CCNH: variants seen among roughly 807,000 people sequenced by gnomAD.
CCNH encodes cyclin-H.
Under a neutral mutation model 41.9 loss-of-function variants are expected in CCNH, and 31 were observed. That is an observed-to-expected ratio of 0.74 (90% CI 0.56 to 1.00). The LOEUF is 1.00. CCNH is among the 50% of genes least tolerant of loss of function. CCNH has a pLI of 0.00. For synonymous variants in CCNH, 138 were observed against 136.1 expected, an observed-to-expected ratio of 1.01 and a Z score of -0.10; for missense variants, 362 against 388.4, an observed-to-expected ratio of 0.93 and a Z score of 0.57.
chr5:87,368,630 C>T (rs1206850095), intron 9 of CCNH, among the ~76,000 whole-genome samples: 1 of 152,144 alleles, frequency 6.6e-6, no homozygotes, highest in African/African-American at 2.4e-5. Context: ...AAGGCACAGC[C>T]CTTCAGGGGT....
At chr5:87,380,491 A>AT, upstream of CCNH, 1 of 1,593,198 alleles carries the variant, frequency 6.3e-7, no homozygotes, top group East Asian at 2.2e-5. Context: ...TGTTGAGATG[A>AT]TTGTGTTATT....
the CCNH span, among the ~76,000 whole-genome samples, chr5:87,313,356 G>A: frequency 6.6e-6 from 1 of 152,172 alleles, no homozygotes; most frequent in Non-Finnish European, 1.5e-5. Flanking sequence ...GGAGGACAAT[G>A]CAAATAGTTT....
intron 9 of CCNH, chr5:87,346,601 T>G (rs1561298527): frequency 3.3e-6 from 3 of 905,534 alleles, no homozygotes; most frequent in East Asian, 2.6e-5. Context: ...CTATATTGGT[T>G]GTTTAATTTT....
downstream of CCNH, among the ~76,000 whole-genome samples, chr5:87,373,922 A>T (rs1488885681): frequency 2.0e-5 from 3 of 152,040 alleles, 1 homozygote; most frequent in Admixed American, 2.0e-4. Flanking sequence ...ATACTGGGAG[A>T]AATAACTTGT....
chr5:87,382,548 A>G (rs16902635), intron 9 of CCNH, among the ~76,000 whole-genome samples: 5,145 of 152,228 alleles, frequency 0.034, 181 homozygotes, highest in African/African-American at 0.081. Flanking sequence ...GAGGTTAATT[A>G]TTAGTGTGGA....
At chr5:87,349,086 A>T in intron 9 of CCNH, 2 of 1,198,090 alleles carry the variant, frequency 1.7e-6, no homozygotes. Context: ...TATCTTAAAA[A>T]AAAAACAAGT....
At chr5:87,412,390 C>A (rs1433187832) in intron 1 of CCNH, 10 of 1,176,260 alleles carry the variant, frequency 8.5e-6, no homozygotes, top group Non-Finnish European at 9.6e-6. Context: ...CATCTCTTGA[C>A]AAGTGAACGG....
At chr5:87,385,464 TAAGTA>T in intron 9 of CCNH, 1 of 1,169,372 alleles carries the variant, frequency 8.6e-7, no homozygotes, top group East Asian at 2.5e-5. Context: ...AATTGTGGCT[TAAGTA>T]AATTTTTAGC....
downstream of CCNH, chr5:87,374,376 T>TA: frequency 1.3e-6 from 2 of 1,519,170 alleles, no homozygotes; most frequent in Non-Finnish European, 1.8e-6. Flanking sequence ...TTGCATTTCT[T>TA]TCTGTTTTTT....
rs1223759635 is a variant in CCNH, at chr5:87,396,030, C to T, written c.873-926G>A. On this transcript the variant is annotated intron_variant, in intron 7 of 8. Coordinates refer to ENST00000256897, the MANE Select transcript of CCNH (RefSeq NM_001239.4). The stretch of plus-strand genomic sequence containing the variant: ...GTTCCACATCTGTGGACTAAACCAA[C>T]TGCGGATTGAAAATAAGGAAAAAAA... Among the ~76,000 whole-genome samples the T allele has an allele frequency of 3.3e-5, 5 of 151,804 alleles. No homozygotes were observed. In the East Asian group the frequency reaches 9.6e-4, roughly 29 times the overall value.
chr5:87,399,291 A>G, intron 7 of CCNH, 103 bp downstream of exon 7: 1 of 790,386 alleles, frequency 1.3e-6, no homozygotes, highest in Non-Finnish European at 2.2e-6. Context: ...TTTATGGATC[A>G]GTCAGCTTTC....
chr5:87,326,817 A>G (rs1394292576), intron 9 of CCNH, among the ~76,000 whole-genome samples: 1 of 152,178 alleles, frequency 6.6e-6, no homozygotes, highest in African/African-American at 2.4e-5. Flanking sequence ...ATGCTCTATA[A>G]TGTTCAAAAA....
rs770630511 is a variant in CCNH at position 87,401,710 on chromosome 5, A to G, written c.752T>C (p.Ile251Thr). ...TGTTCTCTTTTACTTACTTTTCATTATATCTAGTAACTGTGACAGGCAAGT... is the reference window on the plus strand; with the variant it reads ...TGTTCTCTTTTACTTACTTTTCATTGTATCTAGTAACTGTGACAGGCAAGT... The part of the protein sequence containing the change: ...NRTCLSQLLD[I>T]MKSMRNLVKK... Residue 251 changes from isoleucine (I) to threonine (T), a missense_variant, in exon 6 of 9, where the codon ATA (isoleucine) becomes ACA (threonine). Transcript: ENST00000256897. 3.2e-6 allele frequency: 5 copies of G among 1,580,774 alleles called. No individual in the cohort carries two copies. The highest frequency in any genetic ancestry group is 2.3e-5 in the East Asian group (1 of 44,348).
intron 9 of CCNH, among the ~76,000 whole-genome samples, chr5:87,352,348 G>A (rs1286392274): frequency 6.6e-6 from 1 of 151,134 alleles, no homozygotes; most frequent in Non-Finnish European, 1.5e-5. Context: ...TATATAGAAG[G>A]TTAAACAAAA....
chr5:87,405,840 C>G (rs921196360), intron 4 of CCNH, among the ~76,000 whole-genome samples: 1 of 152,036 alleles, frequency 6.6e-6, no homozygotes, highest in African/African-American at 2.4e-5. Context: ...AGAAACTGAA[C>G]AGTGGTTGAA....
chr5:87,385,015 T>C lies in CCNH; in HGVS notation c.*90+7755A>G, dbSNP rs927925401. ...ATAAAGGTAAAGCTTTGAGGTCCTTTGAAATAGTATCAACCGTTGGAAACT... is the reference window on the plus strand; with the variant it reads ...ATAAAGGTAAAGCTTTGAGGTCCTTCGAAATAGTATCAACCGTTGGAAACT... On this transcript the variant is annotated intron_variant and NMD_transcript_variant, in intron 9 of 9. Transcript: ENST00000645953. 2.0e-5 allele frequency among the ~76,000 whole-genome samples: 3 copies of C among 152,188 alleles called. No homozygotes were observed. In the South Asian group the frequency reaches 6.2e-4, roughly 32 times the overall value.
intron 9 of CCNH, among the ~76,000 whole-genome samples, chr5:87,360,038 G>A (rs1179741244): frequency 6.6e-6 from 1 of 150,578 alleles, no homozygotes; most frequent in African/African-American, 2.4e-5. Flanking sequence ...TTCTTGCATT[G>A]TATCTATCAT....
At chr5:87,386,962 A>AC (rs2112517587), downstream of CCNH, 1 of 1,424,352 alleles carries the variant, frequency 7.0e-7, no homozygotes, top group South Asian at 1.2e-5. Context: ...AGCTGAGTTA[A>AC]CCCATTTAAG....
chr5:87,340,249 T>G (rs911745548), intron 9 of CCNH, among the ~76,000 whole-genome samples: 3 of 152,278 alleles, frequency 2.0e-5, no homozygotes, highest in Non-Finnish European at 2.9e-5. Flanking sequence ...AGAGGATTTA[T>G]GCCTTTCTGG....
Sources: gnomAD v4.1 joint callset for allele counts (sites outside exome capture counted in the v4.1 genomes callset) on GRCh38, gnomAD v4.1.1 for gene constraint, MANE v1.5 for transcripts, NCBI Gene and HGNC (gene_info 2026-07-23, HGNC 2026-07-21) for gene names.